Variants in CAST observed in about 807,000 individuals in gnomAD.
CAST encodes the protein calpastatin, also known as MIR583 host.
In CAST, 76 loss-of-function variants were observed where a neutral mutation model predicts 119.6. The ratio of observed to expected loss-of-function variants is 0.64; its 90% confidence interval spans 0.53 to 0.77. The LOEUF (loss-of-function observed/expected upper bound fraction) is 0.77, where lower values mean the gene tolerates loss of function less well. CAST is among the 30% of genes least tolerant of loss of function. The probability of loss-of-function intolerance (pLI) is 0.00; values close to 1 mark genes in which losing one functional copy is unlikely to be tolerated. For synonymous variants in CAST, 319 were observed against 331.6 expected (o/e 0.96, Z 0.41); for missense variants, 953 against 946.5 (o/e 1.01, Z -0.09).
intron 6 of CAST, chr5:96,728,923 T>A (rs774816818): frequency 3.1e-5 from 15 of 481,764 alleles, no homozygotes; most frequent in Admixed American, 1.2e-4. Context: ...AAATACTGAA[T>A]TTTTCATTAT....
At chr5:96,167,815 T>C in the CAST span, among the ~76,000 whole-genome samples, 7 of 152,178 alleles carry the variant, frequency 4.6e-5, no homozygotes, top group African/African-American at 1.7e-4. Flanking sequence ...GTTTCCTAAC[T>C]CGAGGCATGT....
chr5:96,044,605 A>G, the CAST span, among the ~76,000 whole-genome samples: 1 of 152,164 alleles, frequency 6.6e-6, no homozygotes, highest in South Asian at 2.1e-4. Flanking sequence ...GCTGCAATTC[A>G]TCTTCTAAGT....
At chr5:96,449,821 G>A in the CAST span, among the ~76,000 whole-genome samples, 688 of 152,226 alleles carry the variant, frequency 4.5e-3, 1 homozygote, top group Non-Finnish European at 7.3e-3. Context: ...GTTGCACCTT[G>A]GTGTGAGAAC....
At chr5:96,459,358 A>T in the CAST span, among the ~76,000 whole-genome samples, 14,362 of 150,406 alleles carry the variant, frequency 0.095, 2,233 homozygotes, top group African/African-American at 0.33. Context: ...TCTCAAACTC[A>T]GGAGCATTTT....
chr5:96,163,586 T>C, the CAST span, among the ~76,000 whole-genome samples: 4 of 152,238 alleles, frequency 2.6e-5, no homozygotes, highest in Non-Finnish European at 5.9e-5. Context: ...TTCTGAATAA[T>C]GCCACTGGAA....
At chr5:96,637,519 T>G (rs1045540494) in intron 1 of CAST, among the ~76,000 whole-genome samples, 2 of 152,226 alleles carry the variant, frequency 1.3e-5, no homozygotes, top group African/African-American at 4.8e-5. Context: ...AACTGTTGTA[T>G]GGCAAGTAAT....
At chr5:96,359,728 G>A in the CAST span, among the ~76,000 whole-genome samples, 1 of 152,186 alleles carries the variant, frequency 6.6e-6, no homozygotes, top group African/African-American at 2.4e-5. Context: ...GCTTCCCTTT[G>A]TGGGTAACCT....
At chr5:96,340,184 G>T in the CAST span, among the ~76,000 whole-genome samples, 1 of 152,124 alleles carries the variant, frequency 6.6e-6, no homozygotes, top group Non-Finnish European at 1.5e-5. Flanking sequence ...ATTAAACAAG[G>T]ATACACTCTT....
chr5:96,510,102 A>G, the CAST span, among the ~76,000 whole-genome samples: 1 of 152,176 alleles, frequency 6.6e-6, no homozygotes, highest in Non-Finnish European at 1.5e-5. Context: ...TTTAAGATTT[A>G]TAGTTGTGAT....
At chr5:96,435,365 C>A in the CAST span, among the ~76,000 whole-genome samples, 4 of 152,336 alleles carry the variant, frequency 2.6e-5, no homozygotes, top group Admixed American at 6.5e-5. Context: ...AAGATAATAT[C>A]CTCATCCACA....
chr5:96,631,730 C>T (rs770947253), intron 1 of CAST, among the ~76,000 whole-genome samples: 72 of 152,122 alleles, frequency 4.7e-4, no homozygotes, highest in Admixed American at 8.5e-4. Context: ...GATGGGGTTT[C>T]ACCGTGTTAG....
chr5:96,192,994 G>A, the CAST span, among the ~76,000 whole-genome samples: 1 of 152,132 alleles, frequency 6.6e-6, no homozygotes, highest in Admixed American at 6.5e-5. Context: ...ACTCTTATAG[G>A]AGGTAGATAG....
chr5:96,547,044 GA>G (rs1261662668), intron 1 of CAST, among the ~76,000 whole-genome samples: 1 of 152,102 alleles, frequency 6.6e-6, no homozygotes, highest in Non-Finnish European at 1.5e-5. Flanking sequence ...TGATATGGAG[GA>G]AAATATATTT....
At position 96,711,475 on chromosome 5, in the gene CAST, AT is replaced by A. The variant is rs1357984420; in HGVS notation, c.211-11162del. 3.3e-5 allele frequency among the ~76,000 whole-genome samples: 5 copies of A among 152,336 alleles called. No homozygotes were observed. In the East Asian group the frequency reaches 9.6e-4, roughly 29 times the overall value. ...ATAGAAACAAATAAATTTAACATTT[AT>A]TAATTTATTGGACAACTACTGTGCT... On this transcript the variant is annotated intron_variant, in intron 3 of 31. Coordinates refer to ENST00000675179, the MANE Select transcript of CAST (RefSeq NM_001750.7).
At position 96,742,732 on chromosome 5, in the gene CAST, C is replaced by A; in HGVS notation, c.1176C>A (p.Leu392=). ...GGCAAGCAGAACCTGAGCTCGACCT[C>A]CGCTCAATTAAGGAAGTCGATGAGG... ...GTRQAEPELD[L]RSIKEVDEAK... Residue 392 remains leucine, a synonymous_variant, in exon 16 of 32, where the codon CTC becomes CTA. Coordinates refer to ENST00000675179, the MANE Select transcript of CAST (RefSeq NM_001750.7). 1.2e-6 allele frequency: 2 copies of A among 1,613,760 alleles called. No homozygotes were observed. The highest frequency in any genetic ancestry group is 1.7e-6 in the Non-Finnish European group (2 of 1,179,704).
intron 1 of CAST, among the ~76,000 whole-genome samples, chr5:96,654,209 TAG>T (rs762049372): frequency 1.6e-4 from 24 of 152,024 alleles, no homozygotes; most frequent in Non-Finnish European, 3.2e-4. Flanking sequence ...GTATTTTTAG[TAG>T]AGACAGGATT....
the CAST span, among the ~76,000 whole-genome samples, chr5:95,980,926 G>A: frequency 2.0e-5 from 3 of 152,106 alleles, no homozygotes; most frequent in Non-Finnish European, 4.4e-5. Context: ...CCATGAACAT[G>A]CCATGGTGCT....
intron 1 of CAST, among the ~76,000 whole-genome samples, chr5:96,575,689 C>G (rs1053259741): frequency 1.3e-5 from 2 of 151,634 alleles, no homozygotes; most frequent in Admixed American, 1.3e-4. Context: ...GTCACCCAGG[C>G]TGGAGTGCAG....
chr5:96,392,756 C>A, the CAST span: 2 of 547,992 alleles, frequency 3.6e-6, no homozygotes, highest in East Asian at 6.4e-5. Context: ...CCAGAAAGAA[C>A]AAAACACTTC....
Sources: allele counts gnomAD v4.1 joint callset (sites outside exome capture counted in the v4.1 genomes callset), GRCh38; gene constraint gnomAD v4.1.1; transcripts MANE v1.5; gene names NCBI Gene and HGNC (gene_info 2026-07-23, HGNC 2026-07-21).